DACH2: variants seen among roughly 807,000 people sequenced by gnomAD.
The protein encoded by DACH2 is dachshund homolog 2.
A neutral mutation model predicts 35.8 loss-of-function variants in DACH2; 17 were observed. The ratio of observed to expected loss-of-function variants is 0.48; its 90% CI spans 0.33 to 0.71. The LOEUF is 0.71. Among genes scored for constraint, DACH2 ranks in the 30% least tolerant of loss-of-function variants. The pLI, the probability that DACH2 is intolerant of heterozygous loss-of-function variation, is 0.02. For synonymous variants in DACH2, 195 were observed against 177.3 expected (o/e 1.10, Z -0.79); for missense variants, 469 against 472.7 (o/e 0.99, Z 0.07).
intron 2 of DACH2, among the ~76,000 whole-genome samples, chrX:86,401,478 G>A (rs1180457507): frequency 2.7e-5 from 3 of 111,850 alleles, no homozygotes; most frequent in South Asian, 3.7e-4. Flanking sequence ...GCTCACGCTG[G>A]GAGCTGTAGA....
intron 1 of DACH2, among the ~76,000 whole-genome samples, chrX:86,346,485 C>T (rs66538949): frequency 0.13 from 14,403 of 109,585 alleles, 2,377 homozygotes; most frequent in African/African-American, 0.45. Context: ...AGATAAAATC[C>T]TATAAACTAA....
intron 3 of DACH2, among the ~76,000 whole-genome samples, chrX:86,578,480 T>G (rs754988574): frequency 1.8e-5 from 2 of 111,743 alleles, no homozygotes; most frequent in Non-Finnish European, 3.8e-5. Context: ...TAATTCATAT[T>G]TATTTGGTTT....
chrX:86,216,265 T>C (rs1194190964), intron 1 of DACH2, among the ~76,000 whole-genome samples: 3 of 111,724 alleles, frequency 2.7e-5, no homozygotes. Context: ...ACGTGCAGGT[T>C]TGTTACATAG....
At chrX:86,287,793 C>T (rs1034450981) in intron 1 of DACH2, among the ~76,000 whole-genome samples, 4 of 111,540 alleles carry the variant, frequency 3.6e-5, no homozygotes, top group Non-Finnish European at 7.5e-5. Context: ...TCCTTCTCTG[C>T]GTTATGTTGA....
At chrX:86,682,763 C>G (rs191449416) in intron 4 of DACH2, among the ~76,000 whole-genome samples, 97 of 111,456 alleles carry the variant, frequency 8.7e-4, no homozygotes, top group African/African-American at 3.0e-3. Flanking sequence ...TGTTCCATGT[C>G]AAATCTATAC....
intron 1 of DACH2, among the ~76,000 whole-genome samples, chrX:86,298,172 G>A (rs901322590): frequency 4.5e-5 from 5 of 111,697 alleles, no homozygotes; most frequent in African/African-American, 1.3e-4. Context: ...GTAGTAGTGT[G>A]TTGCAGCATC....
chrX:86,582,785 AAAG>A (rs1178279485), intron 3 of DACH2, among the ~76,000 whole-genome samples: 1 of 110,392 alleles, frequency 9.1e-6, no homozygotes, highest in Non-Finnish European at 1.9e-5. Flanking sequence ...CCAGATGTGT[AAAG>A]AAGAGCGGGT....
At chrX:86,358,971 C>T (rs1229335653) in intron 1 of DACH2, among the ~76,000 whole-genome samples, 1 of 110,819 alleles carries the variant, frequency 9.0e-6, no homozygotes, top group Non-Finnish European at 1.9e-5. Context: ...TGAGGAGCTA[C>T]TGTCACAGAG....
At chrX:86,638,026 A>T (rs376333577) in intron 3 of DACH2, among the ~76,000 whole-genome samples, 29 of 104,204 alleles carry the variant, frequency 2.8e-4, no homozygotes, top group East Asian at 2.5e-3. Flanking sequence ...TCAGAGGTAC[A>T]CTAACGAAAA....
At chrX:86,291,342 T>C (rs1325804096) in intron 1 of DACH2, among the ~76,000 whole-genome samples, 1 of 90,279 alleles carries the variant, frequency 1.1e-5, no homozygotes, top group Non-Finnish European at 2.1e-5. Context: ...AATGGGGTTT[T>C]CTAGATATAC....
chrX:86,184,920 A>G (rs1354866102), intron 1 of DACH2, among the ~76,000 whole-genome samples: 1 of 111,811 alleles, frequency 8.9e-6, no homozygotes, highest in Non-Finnish European at 1.9e-5. Context: ...AAAGGCTAGA[A>G]TAAAGGATAC....
intron 3 of DACH2, among the ~76,000 whole-genome samples, chrX:86,572,888 C>T (rs1402221985): frequency 9.0e-6 from 1 of 111,421 alleles, no homozygotes; most frequent in Non-Finnish European, 1.9e-5. Flanking sequence ...CTCCCTCCTC[C>T]CACCCACCAC....
intron 4 of DACH2, among the ~76,000 whole-genome samples, chrX:86,690,590 G>A (rs2040998009): frequency 9.0e-6 from 1 of 111,074 alleles, no homozygotes; most frequent in African/African-American, 3.3e-5. Flanking sequence ...TAACCTTCTG[G>A]GAACCCTAAC....
chrX:86,674,831 G>A (rs1180331080), intron 4 of DACH2, among the ~76,000 whole-genome samples: 1 of 110,592 alleles, frequency 9.0e-6, no homozygotes, highest in Non-Finnish European at 1.9e-5. Flanking sequence ...TCTTCTACTT[G>A]TATTTGCTTT....
At chrX:86,420,231 C>A (rs1260915610) in intron 2 of DACH2, among the ~76,000 whole-genome samples, 1 of 111,785 alleles carries the variant, frequency 8.9e-6, no homozygotes, top group Non-Finnish European at 1.9e-5. Flanking sequence ...TGCCATAATG[C>A]CAGATAAATA....
intron 2 of DACH2, among the ~76,000 whole-genome samples, chrX:86,490,080 C>T (rs139004546): frequency 3.6e-5 from 4 of 111,871 alleles, no homozygotes; most frequent in African/African-American, 1.3e-4. Flanking sequence ...ACCATTTGGA[C>T]GTAGTTGCAT....
At chrX:86,622,975 T>C (rs1336397099) in intron 3 of DACH2, among the ~76,000 whole-genome samples, 1 of 112,113 alleles carries the variant, frequency 8.9e-6, no homozygotes, top group African/African-American at 3.2e-5. Context: ...GACTACATTC[T>C]AACTATTGAA....
chrX:86,321,903 G>A (rs1228821099), intron 1 of DACH2, among the ~76,000 whole-genome samples: 1 of 111,645 alleles, frequency 9.0e-6, no homozygotes, highest in Admixed American at 9.5e-5. Context: ...TACCCTAGTG[G>A]TGCCCCTTCC....
chrX:86,398,163 A>C (rs1245220346), intron 2 of DACH2, among the ~76,000 whole-genome samples: 1 of 111,859 alleles, frequency 8.9e-6, no homozygotes, highest in Non-Finnish European at 1.9e-5. Context: ...TAGATTTTCT[A>C]GTTTATTTGT....
Sources: gnomAD v4.1 joint callset for allele counts (sites outside exome capture counted in the v4.1 genomes callset) on GRCh38, gnomAD v4.1.1 for gene constraint, MANE v1.5 for transcripts, NCBI Gene and HGNC (gene_info 2026-07-23, HGNC 2026-07-21) for gene names.